The following NCAM1 variants were observed in gnomAD, a reference collection of about 807,000 sequenced individuals.
The protein encoded by NCAM1 is neural cell adhesion molecule 1.
In NCAM1, 14 loss-of-function variants were observed where a neutral mutation model predicts 109.8. The observed-to-expected ratio is 0.13, with a 90% confidence interval of 0.08 to 0.20. The LOEUF is 0.20. NCAM1 is among the 10% of genes least tolerant of loss of function. The pLI is 1.00. For synonymous variants in NCAM1, 418 were observed against 442.9 expected, an observed-to-expected ratio of 0.94 and a Z score of 0.70; for missense variants, 774 against 1,109.9, an observed-to-expected ratio of 0.70 and a Z score of 4.30.
rs933207201 is a variant in NCAM1 at position 113,277,730 on chromosome 11, C to G, written c.*2343C>G. ...AGCCCTCAGATCACCTGGCCCGGGA[C>G]AGCTGACCCCCTAGAACCCTGGCTC... On this transcript the variant is annotated 3_prime_UTR_variant, in exon 20 of 20. Transcript: ENST00000316851. The G allele has an allele frequency of 2.1e-5, 6 of 286,122 alleles. No individual in the cohort carries two copies. The highest frequency in any genetic ancestry group is 3.9e-5 in the Non-Finnish European group (6 of 154,796). 17.7% of individuals were successfully genotyped at this position (286,122 alleles called of 1,614,324 possible). A position where few individuals can be genotyped will look rare whatever the true frequency, so the allele number is the denominator to read the frequency against.
Position 113,273,811 on chromosome 11 carries a change from T to G in NCAM1, c.2457-1456T>G, listed in dbSNP as rs1409496347. 1 of 323,876 alleles carries G rather than the reference T, an allele frequency of 3.1e-6. No individual in the cohort carries two copies. The highest frequency in any genetic ancestry group is 6.4e-6 in the Non-Finnish European group (1 of 156,520). The allele number at this position is 323,876 out of a possible 1,614,324, so 20.1% of individuals were successfully genotyped here. The stretch of plus-strand genomic sequence containing the variant: ...CCTGTGGTGGTGTGCATTTGTGCTG[T>G]GCTGTGTCCTCCTTGTTAGATGTGT... On this transcript the variant is annotated intron_variant, in intron 19 of 19. Coordinates refer to ENST00000316851, the MANE Select transcript of NCAM1 (RefSeq NM_181351.5). This position sits in a 1 kb window ranked among gnomAD's most constrained non-coding sequence, Gnocchi z 6.0.
intron 1 of NCAM1, among the ~76,000 whole-genome samples, chr11:113,079,117 C>G (rs1938667984): frequency 6.6e-6 from 1 of 152,186 alleles, no homozygotes; most frequent in Non-Finnish European, 1.5e-5. Context: ...GGACCTCAGC[C>G]ACCTTCGAGT....
chr11:113,274,918 C>G lies in NCAM1; in HGVS notation c.2457-349C>G, dbSNP rs375589200. ...TGAGGAGGAGCTGCCTCTGCTGCCCCCTTCCACCACCCCAGGTAAAAACAC... is the reference window on the plus strand; with the variant it reads ...TGAGGAGGAGCTGCCTCTGCTGCCCGCTTCCACCACCCCAGGTAAAAACAC... On this transcript the variant is annotated intron_variant, in intron 19 of 19. Coordinates refer to ENST00000316851, the MANE Select transcript of NCAM1 (RefSeq NM_181351.5). The surrounding 1 kb of genome is among the most constrained non-coding windows in gnomAD (Gnocchi z 4.1). Among the ~76,000 whole-genome samples the G allele has an allele frequency of 1.3e-4, 20 of 152,342 alleles. No individual in the cohort carries two copies. Among genetic ancestry groups the G allele is most frequent in the Admixed American group, 6.5e-4 (10 of 15,308 alleles).
intron 1 of NCAM1, among the ~76,000 whole-genome samples, chr11:113,066,392 G>C (rs1937958737): frequency 6.6e-6 from 1 of 152,028 alleles, no homozygotes; most frequent in Non-Finnish European, 1.5e-5. Flanking sequence ...ATTACGTAAG[G>C]CTTTGACTAT....
intron 1 of NCAM1, among the ~76,000 whole-genome samples, chr11:113,001,551 C>A (rs1171704965): frequency 6.6e-6 from 1 of 152,168 alleles, no homozygotes; most frequent in Non-Finnish European, 1.5e-5. Context: ...AATAGCACAG[C>A]AAAGTCTGGA....
chr11:113,015,438 T>G (rs1409558676), intron 1 of NCAM1, among the ~76,000 whole-genome samples: 3 of 152,148 alleles, frequency 2.0e-5, no homozygotes, highest in African/African-American at 7.2e-5. Context: ...ATAGACACTT[T>G]AAGATAGATG....
chr11:113,268,698 G>T (rs1171698749), intron 17 of NCAM1, among the ~76,000 whole-genome samples: 1 of 152,186 alleles, frequency 6.6e-6, no homozygotes, highest in Non-Finnish European at 1.5e-5. Context: ...CGCAAATACA[G>T]GCTGCATGAA....
At chr11:113,061,206 A>G (rs1937625487) in intron 1 of NCAM1, among the ~76,000 whole-genome samples, 1 of 152,124 alleles carries the variant, frequency 6.6e-6, no homozygotes, top group South Asian at 2.1e-4. Context: ...ACTTAGCATA[A>G]TATCCTCTAT....
chr11:113,232,065 C>A, intron 10 of NCAM1, 105 bp from the exon 11 acceptor site: 1 of 1,188,476 alleles, frequency 8.4e-7, no homozygotes. Context: ...ATACCAGGCG[C>A]TGGCTCTGCT....
chr11:113,157,136 G>GACACACACACACACACACACAC (rs112454729), intron 1 of NCAM1, among the ~76,000 whole-genome samples: 96 of 146,968 alleles, frequency 6.5e-4, no homozygotes, highest in African/African-American at 2.2e-3. Context: ...GTTTCCCTGA[G>GACACACACACACACACACACAC]ACACACACAC....
At chr11:113,029,391 C>T (rs1246867873) in intron 1 of NCAM1, among the ~76,000 whole-genome samples, 7 of 152,134 alleles carry the variant, frequency 4.6e-5, no homozygotes, top group Admixed American at 3.9e-4. Flanking sequence ...GTGCCATGTC[C>T]CACCCCTTCT....
chr11:113,207,319 G>T lies in NCAM1; in HGVS notation c.687G>T (p.Gln229His), dbSNP rs563070008. ...NIVNATANLGQSVTLVCDAEG... is the reference protein window; with the variant it reads ...NIVNATANLGHSVTLVCDAEG... The stretch of plus-strand genomic sequence containing the variant: ...TGAATGCCACCGCCAACCTCGGCCA[G>T]TCCGTCACCCTGGTGTGCGATGCCG... Residue 229 changes from glutamine to histidine, a missense_variant, in exon 6 of 20, where the codon CAG (glutamine) becomes CAT (histidine). Coordinates refer to ENST00000316851, the MANE Select transcript of NCAM1 (RefSeq NM_181351.5). 7.4e-6 allele frequency: 12 copies of T among 1,613,928 alleles called. No individual in the cohort carries two copies. Among genetic ancestry groups the T allele is most frequent in the Non-Finnish European group, 1.0e-5 (12 of 1,179,910 alleles).
At chr11:113,030,090 G>A (rs183113978) in intron 1 of NCAM1, among the ~76,000 whole-genome samples, 1 of 152,292 alleles carries the variant, frequency 6.6e-6, no homozygotes, top group East Asian at 1.9e-4. Context: ...CAGAAGCTCT[G>A]TGACCCCAGG....
chr11:113,275,130 T>C lies in NCAM1; in HGVS notation c.2457-137T>C, dbSNP rs1946374688. On this transcript the variant is annotated intron_variant, in intron 19 of 19. Coordinates refer to ENST00000316851, the MANE Select transcript of NCAM1 (RefSeq NM_181351.5). ...GTGATTTTTAGTGCTCCCAGGTGAT[T>C]TGACGGGCAGAGGTTGGAGCCGGGT... The C allele has an allele frequency of 5.1e-6, 6 of 1,173,838 alleles. No homozygotes were observed. The East Asian group carries it at 1.5e-4, about 30-fold the overall frequency. 72.7% of individuals were successfully genotyped at this position (1,173,838 alleles called of 1,614,324 possible).
chr11:112,997,809 A>G (rs1951635294), intron 1 of NCAM1, among the ~76,000 whole-genome samples: 1 of 152,248 alleles, frequency 6.6e-6, no homozygotes. Flanking sequence ...AGTCCAAAGC[A>G]GTATATTCTG....
At chr11:113,244,654 C>T (rs3138555) in intron 14 of NCAM1, among the ~76,000 whole-genome samples, 1 of 149,870 alleles carries the variant, frequency 6.7e-6, no homozygotes, top group Admixed American at 6.7e-5. Context: ...TGTGTGTGTG[C>T]GTGTGTGTGT....
rs1328205637 is a variant in NCAM1, at chr11:113,148,355, C to T, written c.53-54024C>T. ...GGCTGGGTCATTTTTTGTTTGTTTG[C>T]GGAGCTTTTTTTTTTTTTCCTTTTT... On this transcript the variant is annotated intron_variant, in intron 1 of 19. Transcript: ENST00000316851. Among the ~76,000 whole-genome samples, 18 of 115,764 alleles carry T rather than the reference C, an allele frequency of 1.6e-4. 1 individual carries two copies. The highest frequency in any genetic ancestry group is 4.3e-3 in the Middle Eastern group (1 of 232). 75.9% of individuals were successfully genotyped at this position (115,764 alleles called of 152,430 possible).
intron 5 of NCAM1, among the ~76,000 whole-genome samples, chr11:113,206,707 G>A (rs1944249296): frequency 6.6e-6 from 1 of 152,132 alleles, no homozygotes. Context: ...GAATTGTTTT[G>A]ACTATTGACA....
chr11:113,014,235 A>G (rs17114674), intron 1 of NCAM1, among the ~76,000 whole-genome samples: 6,354 of 152,236 alleles, frequency 0.042, 446 homozygotes, highest in Admixed American at 0.14. Flanking sequence ...AAATAAATAA[A>G]ACAGAGCTGT....
Sources: allele counts gnomAD v4.1 joint callset (sites outside exome capture counted in the v4.1 genomes callset), GRCh38; gene constraint gnomAD v4.1.1; non-coding constraint Gnocchi (gnomAD v3.1); transcripts MANE v1.5; gene names NCBI Gene and HGNC (gene_info 2026-07-23, HGNC 2026-07-21).